The following RGS7 variants were observed in gnomAD, a reference collection of about 807,000 sequenced individuals.
The protein encoded by RGS7 is regulator of G-protein signaling 7.
Under a neutral mutation model 81.1 loss-of-function variants are expected in RGS7, and 27 were observed. That is an observed-to-expected ratio of 0.33 (90% confidence interval 0.25 to 0.46). The LOEUF (loss-of-function observed/expected upper bound fraction) is 0.46, where lower values mean the gene tolerates loss of function less well. Among genes scored for constraint, RGS7 ranks in the 20% least tolerant of loss-of-function variants. The probability of loss-of-function intolerance (pLI) is 1.00; values close to 1 mark genes in which losing one functional copy is unlikely to be tolerated. For missense variants in RGS7, 396 were observed against 607.4 expected (o/e 0.65, Z 3.66); for synonymous variants, 208 against 207.7 (o/e 1.00, Z -0.01).
chr1:241,248,570 C>T (rs1437841823), intron 2 of RGS7, among the ~76,000 whole-genome samples: 2 of 151,860 alleles, frequency 1.3e-5, no homozygotes, highest in Non-Finnish European at 2.9e-5. Context: ...TCCCTTATCT[C>T]TTCCTCATTT....
At position 240,856,747 on chromosome 1, in the gene RGS7, C is replaced by T. The variant is rs1269313396; in HGVS notation, c.609+11840G>A. Among the ~76,000 whole-genome samples the T allele has an allele frequency of 2.0e-5, 3 of 152,078 alleles. No individual in the cohort carries two copies. In the South Asian group the frequency reaches 6.2e-4, roughly 31 times the overall value. Reference sequence around the variant, plus strand: ...TAGCATTCTCTGAAGAAATATTTTGCATGTATCAATTCTCATCCAGGAGAA... The same window carrying T: ...TAGCATTCTCTGAAGAAATATTTTGTATGTATCAATTCTCATCCAGGAGAA... On this transcript the variant is annotated intron_variant, in intron 9 of 18. Transcript: ENST00000440928.
intron 6 of RGS7, among the ~76,000 whole-genome samples, chr1:240,918,301 T>C (rs1260092390): frequency 6.6e-6 from 1 of 152,142 alleles, no homozygotes; most frequent in African/African-American, 2.4e-5. Flanking sequence ...ACAGAATCTA[T>C]AGTCATCTCA....
intron 2 of RGS7, among the ~76,000 whole-genome samples, chr1:241,173,015 TA>T (rs1264831540): frequency 1.3e-5 from 2 of 152,188 alleles, no homozygotes; most frequent in Non-Finnish European, 2.9e-5. Context: ...CAATTTTTTT[TA>T]AAGACATGAT....
intron 2 of RGS7, among the ~76,000 whole-genome samples, chr1:241,187,446 G>A (rs781606155): frequency 1.1e-4 from 17 of 151,944 alleles, no homozygotes; most frequent in Non-Finnish European, 2.4e-4. Flanking sequence ...TTTTTCAAGT[G>A]CCACTTTTGG....
chr1:241,244,825 A>T, intron 2 of RGS7, among the ~76,000 whole-genome samples: 1 of 152,036 alleles, frequency 6.6e-6, no homozygotes, highest in Non-Finnish European at 1.5e-5. Context: ...ATGAAGCTGG[A>T]AACCATTATT....
chr1:241,339,011 A>G (rs960038063), intron 2 of RGS7, among the ~76,000 whole-genome samples: 1 of 151,974 alleles, frequency 6.6e-6, no homozygotes, highest in African/African-American at 2.4e-5. Flanking sequence ...TAAGCCCAAC[A>G]TGCATTAGCT....
At chr1:241,320,653 T>C (rs2081154495) in intron 2 of RGS7, among the ~76,000 whole-genome samples, 1 of 152,236 alleles carries the variant, frequency 6.6e-6, no homozygotes, top group Non-Finnish European at 1.5e-5. Flanking sequence ...ACTGATGGCA[T>C]TGTAAGTGCC....
At chr1:241,127,835 C>T (rs944670429) in intron 2 of RGS7, among the ~76,000 whole-genome samples, 13 of 151,958 alleles carry the variant, frequency 8.6e-5, no homozygotes, top group African/African-American at 2.7e-4. Context: ...AGATTATTCT[C>T]TTCAAATGAT....
chr1:241,008,013 C>T (rs552033876), intron 3 of RGS7, among the ~76,000 whole-genome samples: 28 of 152,174 alleles, frequency 1.8e-4, no homozygotes, highest in Non-Finnish European at 3.4e-4. Context: ...AGTCTTGAAG[C>T]GAAAATAAAG....
intron 2 of RGS7, among the ~76,000 whole-genome samples, chr1:241,309,066 CA>C (rs2080343211): frequency 1.3e-5 from 2 of 152,150 alleles, no homozygotes; most frequent in African/African-American, 4.8e-5. Context: ...CTTTAATTTT[CA>C]AGGAATGCAA....
At chr1:241,298,463 C>T (rs959900400) in intron 2 of RGS7, among the ~76,000 whole-genome samples, 6 of 152,178 alleles carry the variant, frequency 3.9e-5, no homozygotes, top group Non-Finnish European at 8.8e-5. Flanking sequence ...AGGTCCCCAG[C>T]CTACACATAA....
intron 4 of RGS7, among the ~76,000 whole-genome samples, chr1:240,969,156 ACTTTTCTTTT>A (rs201910483): frequency 1.3e-5 from 2 of 152,004 alleles, no homozygotes; most frequent in African/African-American, 4.8e-5. Context: ...AGTGCTTTTT[ACTTTTCTTTT>A]CTTTTCTTTT....
chr1:241,256,181 G>A (rs1176100965), intron 2 of RGS7, among the ~76,000 whole-genome samples: 3 of 152,076 alleles, frequency 2.0e-5, no homozygotes, highest in African/African-American at 2.4e-5. Flanking sequence ...TCTTATTTAT[G>A]TAAGAGGATA....
At chr1:240,961,393 C>T (rs1681409154) in intron 4 of RGS7, among the ~76,000 whole-genome samples, 1 of 152,112 alleles carries the variant, frequency 6.6e-6, no homozygotes, top group Admixed American at 6.6e-5. Context: ...GGATGAATAA[C>T]ATCAATGTAT....
chr1:241,308,041 A>T (rs962880364), intron 2 of RGS7, among the ~76,000 whole-genome samples: 4 of 152,208 alleles, frequency 2.6e-5, no homozygotes, highest in African/African-American at 9.6e-5. Flanking sequence ...GGATGCAAAC[A>T]GCCTTACCAA....
chr1:240,978,932 A>C (rs1684533786), intron 4 of RGS7, among the ~76,000 whole-genome samples: 2 of 152,158 alleles, frequency 1.3e-5, no homozygotes, highest in Admixed American at 1.3e-4. Flanking sequence ...ACAGAAAAAA[A>C]TTTTCTTCAA....
At chr1:241,239,848 G>T (rs548500581) in intron 2 of RGS7, among the ~76,000 whole-genome samples, 1 of 152,206 alleles carries the variant, frequency 6.6e-6, no homozygotes, top group Non-Finnish European at 1.5e-5. Context: ...GCTAGGCAGC[G>T]TGCAGAGAAC....
At chr1:240,878,076 T>C (rs1266297369) in intron 6 of RGS7, among the ~76,000 whole-genome samples, 1 of 152,096 alleles carries the variant, frequency 6.6e-6, no homozygotes, top group Non-Finnish European at 1.5e-5. Flanking sequence ...CCTTCCACCC[T>C]GCCTGAGCCT....
intron 18 of RGS7, among the ~76,000 whole-genome samples, chr1:240,799,253 TTGTGTGTGTG>T (rs143900617): frequency 5.1e-5 from 3 of 59,158 alleles, no homozygotes; most frequent in African/African-American, 9.4e-5. Flanking sequence ...TTATTATGGT[TTGTGTGTGTG>T]TGTGTGTGTG....
Sources: allele counts gnomAD v4.1 joint callset (sites outside exome capture counted in the v4.1 genomes callset), GRCh38; gene constraint gnomAD v4.1.1; transcripts MANE v1.5; gene names NCBI Gene and HGNC (gene_info 2026-07-23, HGNC 2026-07-21).